Variants in ANKRD10 observed in about 807,000 individuals in gnomAD.
ANKRD10 encodes ankyrin repeat domain 10.
Under a neutral mutation model 27.0 loss-of-function variants are expected in ANKRD10, and 14 were observed. That is an observed-to-expected ratio of 0.52 (90% CI 0.34 to 0.81). The LOEUF (loss-of-function observed/expected upper bound fraction) is 0.81. Ranked by LOEUF, ANKRD10 falls within the 40% of genes least tolerant of loss-of-function variation. The probability of loss-of-function intolerance (pLI) is 0.01; values close to 1 mark genes in which losing one functional copy is unlikely to be tolerated. For synonymous variants in ANKRD10, 250 were observed against 224.5 expected (o/e 1.11, Z -1.01); for missense variants, 493 against 544.0 (o/e 0.91, Z 0.93).
intron 4 of ANKRD10, among the ~76,000 whole-genome samples, chr13:110,888,717 T>C (rs912843093): frequency 6.6e-6 from 1 of 152,336 alleles, no homozygotes; most frequent in East Asian, 1.9e-4. Flanking sequence ...TTATCCAGGT[T>C]AAATCCACTC....
chr13:110,888,931 G>A (rs917527502), intron 4 of ANKRD10, among the ~76,000 whole-genome samples: 3 of 152,144 alleles, frequency 2.0e-5, no homozygotes, highest in Non-Finnish European at 2.9e-5. Context: ...CCTACTTCTG[G>A]GGCAAATGTC....
Position 110,915,062 on chromosome 13 carries a change from G to A in ANKRD10, c.-128C>T. The A allele has an allele frequency of 1.4e-6, 2 of 1,404,782 alleles. No individual in the cohort carries two copies. Among genetic ancestry groups the A allele is most frequent in the Non-Finnish European group, 9.2e-7 (1 of 1,084,792 alleles). 87.0% of individuals were successfully genotyped at this position (1,404,782 alleles called of 1,614,324 possible). A position where few individuals can be genotyped will look rare whatever the true frequency, so the allele number is the denominator to read the frequency against. ...GTCGCGTCCCACAGGCTGCCGAGCG[G>A]AGCGCGCACAGAGGGGGCGGGGCGG... On this transcript the variant is annotated 5_prime_UTR_variant, in exon 1 of 6. Coordinates refer to ENST00000267339, the MANE Select transcript of ANKRD10 (RefSeq NM_017664.4).
At chr13:110,901,767 A>G (rs1300504606) in intron 3 of ANKRD10, among the ~76,000 whole-genome samples, 2 of 152,214 alleles carry the variant, frequency 1.3e-5, no homozygotes, top group African/African-American at 2.4e-5. Flanking sequence ...AGGAGGCTGC[A>G]CAGTGGCTCA....
At position 110,879,163 on chromosome 13, in the gene ANKRD10, G is replaced by A. The variant is rs2064763889; in HGVS notation, c.*474C>T. 1 of 166,486 alleles carries A rather than the reference G, an allele frequency of 6.0e-6. No homozygotes were observed. The highest frequency in any genetic ancestry group is 5.5e-5 in the Admixed American group (1 of 18,326). The allele number at this position is 166,486 out of a possible 1,614,324, so 10.3% of individuals were successfully genotyped here. On this transcript the variant is annotated 3_prime_UTR_variant, in exon 6 of 6. Transcript: ENST00000267339. The stretch of plus-strand genomic sequence containing the variant: ...TCTCTTCTTCACACAAATCACTGCA[G>A]AAATCTTTGTAAGGCTGTACCTTGC...
At position 110,883,499 on chromosome 13, in the gene ANKRD10, A is replaced by G. The variant is rs537753693; in HGVS notation, c.787+199T>C. The G allele has an allele frequency of 1.1e-4, 140 of 1,325,240 alleles. 2 individuals are homozygous for G. The South Asian group carries it at 3.1e-3, about 29-fold the overall frequency. 82.1% of individuals were successfully genotyped at this position (1,325,240 alleles called of 1,614,324 possible). On this transcript the variant is annotated intron_variant, in intron 5 of 5. Coordinates refer to ENST00000267339, the MANE Select transcript of ANKRD10 (RefSeq NM_017664.4). ...TATAACATTTTTAAAAAGACACTGG[A>G]CAACAAAGTGCAAAACATCTGAGAA...
At position 110,879,626 on chromosome 13, in the gene ANKRD10, G is replaced by A. The variant is rs751738673; in HGVS notation, c.*11C>T. On this transcript the variant is annotated 3_prime_UTR_variant, in exon 6 of 6. Coordinates refer to ENST00000267339, the MANE Select transcript of ANKRD10 (RefSeq NM_017664.4). ...AGGACTCCTGCGTTTCCGAGAGCCA[G>A]GTCAGCGTCTCTAGGAGCCGTGGTG... 9 of 1,599,428 alleles carry A rather than the reference G, an allele frequency of 5.6e-6. No individual in the cohort carries two copies. The Admixed American group carries it at 1.5e-4, about 27-fold the overall frequency.
intron 4 of ANKRD10, among the ~76,000 whole-genome samples, chr13:110,891,271 T>A (rs1298163008): frequency 1.3e-5 from 2 of 152,326 alleles, no homozygotes; most frequent in East Asian, 3.9e-4. Context: ...ACAAAGGATT[T>A]TTTTAAAAAG....
chr13:110,879,867 A>G lies in ANKRD10; in HGVS notation c.1033T>C (p.Cys345Arg), dbSNP rs749222996. 6.2e-7 allele frequency: 1 copy of G among 1,614,234 alleles called. No individual in the cohort carries two copies. The highest frequency in any genetic ancestry group is 8.5e-7 in the Non-Finnish European group (1 of 1,180,052). The change falls in exon 6 of 6, where the codon TGC (cysteine) becomes CGC (arginine). Residue 345 changes from cysteine to arginine, a missense_variant. Coordinates refer to ENST00000267339, the MANE Select transcript of ANKRD10 (RefSeq NM_017664.4). ...EKTLRANPEL[C>R]GSLHLNGSPS... ...CTCCCGTTCAGGTGCAGAGAACCGCACAACTCAGGGTTAGCTCTCAGGGTC... is the reference window on the plus strand; with the variant it reads ...CTCCCGTTCAGGTGCAGAGAACCGCGCAACTCAGGGTTAGCTCTCAGGGTC...
In ANKRD10 at chr13:110,915,039, C is replaced by A. The variant is rs2065854434; in HGVS notation, c.-105G>T. The A allele has an allele frequency of 3.5e-6, 5 of 1,429,968 alleles. No homozygotes were observed. The highest frequency in any genetic ancestry group is 2.5e-4 in the Middle Eastern group (1 of 3,922). The allele number at this position is 1,429,968 out of a possible 1,614,324, so 88.6% of individuals were successfully genotyped here. ...AAAGGAACGAGACTAGCGCCGCGGT[C>A]GCGTCCCACAGGCTGCCGAGCGGAG... On this transcript the variant is annotated 5_prime_UTR_variant, in exon 1 of 6. Transcript: ENST00000267339.
Position 110,910,619 on chromosome 13 carries a change from G to A in ANKRD10, c.362C>T (p.Pro121Leu), listed in dbSNP as rs143331283. 5.5e-5 allele frequency: 89 copies of A among 1,613,566 alleles called. 1 individual carries two copies. Among genetic ancestry groups the A allele is most frequent in the Non-Finnish European group, 7.3e-5 (86 of 1,179,922 alleles). ...CAAGTCCATCACCAGCACTCTTACC[G>A]GTTTGTTAATGTTGGCTCCTGCTTG... ...LIQAGANINK[P>L]DCEGETPIHK... Residue 121 changes from proline to leucine, a missense_variant and splice_region_variant, in exon 2 of 6, where the codon CCG becomes CTG. Pro to Leu is a moderately conservative substitution (Grantham distance 98). Transcript: ENST00000267339.
In ANKRD10 at chr13:110,915,064, G is replaced by A. The variant is rs545481919; in HGVS notation, c.-130C>T. 7.6e-4 allele frequency: 1,061 copies of A among 1,403,886 alleles called. 1 individual carries two copies. The Middle Eastern group carries it at 8.7e-3, about 12-fold the overall frequency. The allele number at this position is 1,403,886 out of a possible 1,614,324, so 87.0% of individuals were successfully genotyped here. A position where few individuals can be genotyped will look rare whatever the true frequency, so the allele number is the denominator to read the frequency against. On this transcript the variant is annotated 5_prime_UTR_variant, in exon 1 of 6. Transcript: ENST00000267339. ...CGCGTCCCACAGGCTGCCGAGCGGA[G>A]CGCGCACAGAGGGGGCGGGGCGGGG...
Position 110,879,676 on chromosome 13 carries a change from A to G in ANKRD10, c.1224T>C (p.Ser408=), listed in dbSNP as rs776450508. ...KSVKVQERYD[S]AVLGTMHLHH... ...GCAGGTGCATGGTGCCCAGCACGGC[A>G]CTGTCGTACCGCTCCTGCACCTTCA... The change falls in exon 6 of 6, where the codon AGT becomes AGC. Residue 408 remains serine, a synonymous_variant. Transcript: ENST00000267339. 2.5e-6 allele frequency: 4 copies of G among 1,613,850 alleles called. No individual in the cohort carries two copies. In the African/African-American group the frequency reaches 5.3e-5, roughly 22 times the overall value.
rs538093650 is a variant in ANKRD10, at chr13:110,890,398, G to T, written c.691+2630C>A. Among the ~76,000 whole-genome samples the T allele has an allele frequency of 7.9e-5, 12 of 152,270 alleles. No individual in the cohort carries two copies. In the South Asian group the frequency reaches 2.5e-3, roughly 32 times the overall value. On this transcript the variant is annotated intron_variant, in intron 4 of 5. Transcript: ENST00000267339. ...CACCTTTTCCCATAGGGAAACGAGTGGTGGGAGTGCAGGTGAGCTAAAGAT... is the reference window on the plus strand; with the variant it reads ...CACCTTTTCCCATAGGGAAACGAGTTGTGGGAGTGCAGGTGAGCTAAAGAT...
intron 3 of ANKRD10, chr13:110,894,418 A>AAAAAAAC (rs2065171955): frequency 3.1e-6 from 1 of 318,874 alleles, no homozygotes; most frequent in African/African-American, 2.2e-5. Flanking sequence ...AAAAAAAAAA[A>AAAAAAAC]AAAAAAAAAC....
intron 3 of ANKRD10, among the ~76,000 whole-genome samples, chr13:110,901,125 A>C (rs1011132913): frequency 2.6e-5 from 4 of 152,216 alleles, no homozygotes; most frequent in Non-Finnish European, 5.9e-5. Context: ...AAAGATAAAA[A>C]ACATTACTAA....
rs1476530858 is a variant in ANKRD10, at chr13:110,915,011, C to G, written c.-77G>C. On this transcript the variant is annotated 5_prime_UTR_variant, in exon 1 of 6. Transcript: ENST00000267339. The stretch of plus-strand genomic sequence containing the variant: ...AGGACTCGAGAAGCCGCCGCCGCAG[C>G]ACAAAGGAACGAGACTAGCGCCGCG... The G allele has an allele frequency of 6.8e-7, 1 of 1,477,280 alleles. No homozygotes were observed. The allele number at this position is 1,477,280 out of a possible 1,614,324, so 91.5% of individuals were successfully genotyped here. A position where few individuals can be genotyped will look rare whatever the true frequency, so the allele number is the denominator to read the frequency against.
At chr13:110,883,857 A>T (rs2064864912) in intron 4 of ANKRD10, 64 bp from the exon 5 acceptor site, 30 of 1,571,984 alleles carry the variant, frequency 1.9e-5, no homozygotes, top group Non-Finnish European at 2.6e-5. Context: ...GTTCAGACAC[A>T]CAGTTTACAT....
At chr13:110,914,648 C>T in intron 1 of ANKRD10, 77 bp downstream of exon 1, 1 of 1,475,376 alleles carries the variant, frequency 6.8e-7, no homozygotes, top group Admixed American at 2.2e-5. Context: ...CCCCACGTCC[C>T]CCGCACCTCA....
At chr13:110,910,899 C>T in intron 1 of ANKRD10, 129 bp from the exon 2 acceptor site, 1 of 981,200 alleles carries the variant, frequency 1.0e-6, no homozygotes, top group East Asian at 2.8e-5. Flanking sequence ...GATTAAGTCA[C>T]TCTTTCCCAA....
Sources: gnomAD v4.1 joint callset for allele counts (sites outside exome capture counted in the v4.1 genomes callset) on GRCh38, gnomAD v4.1.1 for gene constraint, MANE v1.5 for transcripts, NCBI Gene and HGNC (gene_info 2026-07-23, HGNC 2026-07-21) for gene names.